EPS8: variants seen among roughly 807,000 people sequenced by gnomAD.
EPS8 encodes the protein EGFR pathway substrate 8, signaling adaptor.
A neutral mutation model predicts 103.8 loss-of-function variants in EPS8; 42 were observed. The observed-to-expected ratio is 0.40, with a 90% CI of 0.32 to 0.52. The LOEUF (loss-of-function observed/expected upper bound fraction) is 0.52. EPS8 is among the 20% of genes least tolerant of loss of function. The pLI is 0.40. For synonymous variants in EPS8, 344 were observed against 344.6 expected (o/e 1.00, Z 0.02); for missense variants, 969 against 1,005.1 (o/e 0.96, Z 0.49).
In EPS8 at chr12:15,748,026, AAAAACAAAAAC is replaced by A. The variant is rs1443792486; in HGVS notation, c.-22+41124_-22+41134del. On this transcript the variant is annotated intron_variant, in intron 1 of 20. Transcript: ENST00000281172. The surrounding 1 kb of genome is among the most constrained non-coding windows in gnomAD (Gnocchi z 4.8). ...CAGAGCAAGACTCCATCTCAAAATC[AAAAACAAAAAC>A]AAAACAAAAAAAAGTAATGCCTCAT... Among the ~76,000 whole-genome samples, 89 of 151,702 alleles carry A rather than the reference AAAAACAAAAAC, an allele frequency of 5.9e-4. No homozygotes were observed. Among genetic ancestry groups the A allele is most frequent in the African/African-American group, 2.1e-3 (87 of 41,004 alleles).
At chr12:15,638,266 C>T (rs553603487) in intron 17 of EPS8, among the ~76,000 whole-genome samples, 24 of 152,128 alleles carry the variant, frequency 1.6e-4, no homozygotes, top group Non-Finnish European at 3.4e-4. Flanking sequence ...TTCCATTTTA[C>T]TCTATTCTTT....
chr12:15,654,062 TAGA>T (rs1945464040), intron 13 of EPS8, 80 bp downstream of exon 13: 14 of 1,328,902 alleles, frequency 1.1e-5, no homozygotes, highest in Non-Finnish European at 1.4e-5. Context: ...CCTTCGTATG[TAGA>T]AGGTTAAATA....
chr12:15,669,800 C>T lies in EPS8; in HGVS notation c.230G>A (p.Arg77Gln), dbSNP rs775251220. Residue 77 changes from arginine to glutamine, a missense_variant, in exon 5 of 21, where the codon CGG becomes CAG. Arg to Gln is a conservative substitution (Grantham distance 43). Coordinates refer to ENST00000281172, the MANE Select transcript of EPS8 (RefSeq NM_004447.6). The stretch of plus-strand genomic sequence containing the variant: ...ATCAACAGTGATCATAGCATCTTTC[C>T]GATCCAGGACAAAGGTAGTCAAGTG... ...VEHLTTFVLD[R>Q]KDAMITVDDG... The T allele has an allele frequency of 4.2e-5, 67 of 1,605,924 alleles. No homozygotes were observed. Among genetic ancestry groups the T allele is most frequent in the Middle Eastern group, 3.3e-4 (2 of 6,030 alleles).
At position 15,700,100 on chromosome 12, in the gene EPS8, A is replaced by T. The variant is rs1591871817; in HGVS notation, c.-21-17128T>A. On this transcript the variant is annotated intron_variant, in intron 1 of 20. Coordinates refer to ENST00000281172, the MANE Select transcript of EPS8 (RefSeq NM_004447.6). This position sits in a 1 kb window ranked among gnomAD's most constrained non-coding sequence, Gnocchi z 5.1. ...AACACAGGAGGCGGAAGTTGCAGTG[A>T]GCTGAGATCATGCCTCTGCACTGCA... is the stretch of plus-strand genomic sequence containing the variant. Among the ~76,000 whole-genome samples the T allele has an allele frequency of 6.6e-6, 1 of 152,342 alleles. No homozygotes were observed. Among genetic ancestry groups the T allele is most frequent in the East Asian group, 1.9e-4 (1 of 5,190 alleles).
chr12:15,683,511 A>C (rs1946044577), intron 1 of EPS8: 1 of 152,202 alleles, frequency 6.6e-6, no homozygotes, highest in Non-Finnish European at 1.5e-5. Context: ...TTTCCTTCAA[A>C]GCACATTTGA....
In EPS8 at chr12:15,748,611, T is replaced by G. The variant is rs1946899008; in HGVS notation, c.-22+40550A>C. Among the ~76,000 whole-genome samples, 1 of 152,128 alleles carries G rather than the reference T, an allele frequency of 6.6e-6. No homozygotes were observed. Among genetic ancestry groups the G allele is most frequent in the Non-Finnish European group, 1.5e-5 (1 of 68,010 alleles). ...CTGGATCTGAACAACTCAAATAAAG[T>G]ATAAACACGTAGCTTTCATTCCTTT... On this transcript the variant is annotated intron_variant, in intron 1 of 20. Transcript: ENST00000281172. This position sits in a 1 kb window ranked among gnomAD's most constrained non-coding sequence, Gnocchi z 4.8.
chr12:15,711,530 C>A (rs934151671), intron 1 of EPS8, among the ~76,000 whole-genome samples: 1 of 152,108 alleles, frequency 6.6e-6, no homozygotes, highest in Non-Finnish European at 1.5e-5. Context: ...ACAGGTGGAT[C>A]AGGGAACAAA....
chr12:15,668,703 A>G (rs1336831905), intron 6 of EPS8, among the ~76,000 whole-genome samples: 1 of 152,190 alleles, frequency 6.6e-6, no homozygotes, highest in Non-Finnish European at 1.5e-5. Flanking sequence ...CTTTAAATCA[A>G]TATCGTGGGA....
chr12:15,728,429 G>A lies in EPS8; in HGVS notation c.-21-45457C>T, dbSNP rs897970460. Among the ~76,000 whole-genome samples the A allele has an allele frequency of 2.0e-5, 3 of 152,134 alleles. No individual in the cohort carries two copies. Among genetic ancestry groups the A allele is most frequent in the African/African-American group, 4.8e-5 (2 of 41,420 alleles). ...AGCAGTGGCCCTTTTAAGAACACTG[G>A]ATCCCGACTCATGGAAGGGTCATCT... On this transcript the variant is annotated intron_variant, in intron 1 of 20. Coordinates refer to ENST00000281172, the MANE Select transcript of EPS8 (RefSeq NM_004447.6). The surrounding 1 kb of genome is among the most constrained non-coding windows in gnomAD (Gnocchi z 4.5).
At chr12:15,630,102 T>C (rs1945017736) in intron 18 of EPS8, among the ~76,000 whole-genome samples, 1 of 152,076 alleles carries the variant, frequency 6.6e-6, no homozygotes. Context: ...ACAGTAAAAG[T>C]ATGTTTATGT....
Position 15,669,732 on chromosome 12 carries a change from C to A in EPS8, c.298G>T (p.Val100Leu), listed in dbSNP as rs1457834329. 2.5e-6 allele frequency: 4 copies of A among 1,613,856 alleles called. No individual in the cohort carries two copies. The highest frequency in any genetic ancestry group is 3.4e-6 in the Non-Finnish European group (4 of 1,179,872). Residue 100 changes from valine to leucine, a missense_variant, in exon 5 of 21, where the codon GTG (valine) becomes TTG (leucine). Coordinates refer to ENST00000281172, the MANE Select transcript of EPS8 (RefSeq NM_004447.6). ...TGAAGAATCATATCTTGAGTCCACACTTTGCCCTTGGCATCAAGCAATTTC... is the reference window on the plus strand; with the variant it reads ...TGAAGAATCATATCTTGAGTCCACAATTTGCCCTTGGCATCAAGCAATTTC... ...KLKLLDAKGKVWTQDMILQVD... is the reference protein window; with the variant it reads ...KLKLLDAKGKLWTQDMILQVD...
rs144427936 is a variant in EPS8, at chr12:15,723,517, C to A, written c.-21-40545G>T. Among the ~76,000 whole-genome samples, 394 of 152,100 alleles carry A rather than the reference C, an allele frequency of 2.6e-3. 1 individual carries two copies. The highest frequency in any genetic ancestry group is 5.0e-3 in the Non-Finnish European group (339 of 67,974). ...TTTTTAATTGTATATGTATAAGGTA[C>A]AAATATGCATAAGATTTTTCCTGAA... On this transcript the variant is annotated intron_variant, in intron 1 of 20. Coordinates refer to ENST00000281172, the MANE Select transcript of EPS8 (RefSeq NM_004447.6).
chr12:15,676,978 C>T (rs1343291718), intron 3 of EPS8, among the ~76,000 whole-genome samples: 4 of 152,120 alleles, frequency 2.6e-5, no homozygotes, highest in African/African-American at 9.7e-5. Context: ...AATTATACCA[C>T]TTATAAAAAA....
Position 15,658,156 on chromosome 12 carries a change from G to A in EPS8, c.1027-3C>T. 1 of 1,605,556 alleles carries A rather than the reference G, an allele frequency of 6.2e-7. No homozygotes were observed. The highest frequency in any genetic ancestry group is 1.1e-5 in the South Asian group (1 of 90,790). Reference sequence around the variant, plus strand: ...TGAATATGAGACTTCAGTTTGGCCTGCAACATGAAGAAAACAGAAAACAGA... The same window carrying A: ...TGAATATGAGACTTCAGTTTGGCCTACAACATGAAGAAAACAGAAAACAGA... On this transcript the variant is annotated splice_region_variant and splice_polypyrimidine_tract_variant and intron_variant, in intron 11 of 20. Coordinates refer to ENST00000281172, the MANE Select transcript of EPS8 (RefSeq NM_004447.6).
chr12:15,708,261 C>G (rs550876519), intron 1 of EPS8, among the ~76,000 whole-genome samples: 8 of 152,332 alleles, frequency 5.3e-5, no homozygotes, highest in Admixed American at 2.0e-4. Flanking sequence ...TCACTTTCCT[C>G]ATCTGTAAAG....
At chr12:15,681,393 G>GA (rs1265732621) in intron 2 of EPS8, 91 bp from the exon 3 acceptor site, 6 of 482,530 alleles carry the variant, frequency 1.2e-5, no homozygotes, top group Non-Finnish European at 1.9e-5. Context: ...AACTCAACTA[G>GA]AAAATAAAAA....
rs1041288876 is a variant in EPS8 at position 15,690,584 on chromosome 12, C to T, written c.-21-7612G>A. ...AGGATTATCCATTGTTTCAATTTGT[C>T]TGCTCTATTTTAGTAATACATGGTT... On this transcript the variant is annotated intron_variant, in intron 1 of 20. Transcript: ENST00000281172. The surrounding 1 kb of genome is among the most constrained non-coding windows in gnomAD (Gnocchi z 4.7). Among the ~76,000 whole-genome samples the T allele has an allele frequency of 1.3e-5, 2 of 152,170 alleles. No individual in the cohort carries two copies. Among genetic ancestry groups the T allele is most frequent in the African/African-American group, 4.8e-5 (2 of 41,446 alleles).
rs11056599 is a variant in EPS8, at chr12:15,705,739, C to A, written c.-21-22767G>T. Among the ~76,000 whole-genome samples the A allele has an allele frequency of 1.2e-4, 18 of 152,200 alleles. 1 individual carries two copies. In the East Asian group the frequency reaches 3.3e-3, roughly 28 times the overall value. On this transcript the variant is annotated intron_variant, in intron 1 of 20. Transcript: ENST00000281172. ...GTTGTTGACTGCAATAGTTAGAATA[C>A]CCTCTTGGAAATGAGCCCAGTGACA...
chr12:15,699,665 T>C (rs1026193735), intron 1 of EPS8, among the ~76,000 whole-genome samples: 2 of 152,212 alleles, frequency 1.3e-5, no homozygotes, highest in African/African-American at 4.8e-5. Flanking sequence ...GACCATAATT[T>C]TGGCTTACAT....
Sources: gnomAD v4.1 joint callset for allele counts (sites outside exome capture counted in the v4.1 genomes callset) on GRCh38, gnomAD v4.1.1 for gene constraint, Gnocchi (gnomAD v3.1) non-coding constraint, MANE v1.5 for transcripts, NCBI Gene and HGNC (gene_info 2026-07-23, HGNC 2026-07-21) for gene names.